Variants in EPB41L3 observed in about 807,000 individuals in gnomAD.
EPB41L3 encodes band 4.1-like protein 3.
In EPB41L3, 57 loss-of-function variants were observed where a neutral mutation model predicts 127.1. The ratio of observed to expected loss-of-function variants is 0.45; its 90% CI spans 0.36 to 0.56. EPB41L3 has a LOEUF of 0.56. Ranked by LOEUF, EPB41L3 falls within the 20% of genes least tolerant of loss-of-function variation. The probability of loss-of-function intolerance (pLI) is 0.00; values close to 1 mark genes in which losing one functional copy is unlikely to be tolerated. For missense variants in EPB41L3, 1,273 were observed against 1,372.2 expected (o/e 0.93, Z 1.14); for synonymous variants, 572 against 549.5 (o/e 1.04, Z -0.57).
chr18:5,628,150 G>T (rs1184898491), intron 1 of EPB41L3, among the ~76,000 whole-genome samples: 1 of 152,222 alleles, frequency 6.6e-6, no homozygotes, highest in Non-Finnish European at 1.5e-5. Context: ...GGCAAGTCTT[G>T]CGGGGCCCGT....
At chr18:5,498,055 C>A (rs1443254361) in intron 1 of EPB41L3, among the ~76,000 whole-genome samples, 1 of 152,182 alleles carries the variant, frequency 6.6e-6, no homozygotes, top group Non-Finnish European at 1.5e-5. Flanking sequence ...ACACGTGAAT[C>A]CTGCCTTGCC....
chr18:5,475,549 G>C (rs760458122), intron 3 of EPB41L3, among the ~76,000 whole-genome samples: 1 of 152,174 alleles, frequency 6.6e-6, no homozygotes, highest in Non-Finnish European at 1.5e-5. Context: ...ATTACAAAAT[G>C]GTTTTGACAA....
chr18:5,433,158 T>C (rs2079230709), intron 8 of EPB41L3, among the ~76,000 whole-genome samples: 1 of 152,072 alleles, frequency 6.6e-6, no homozygotes, highest in Admixed American at 6.5e-5. Flanking sequence ...CAGGGTGAAG[T>C]AAAAGTCTGT....
chr18:5,462,982 A>T (rs989246027), intron 3 of EPB41L3, among the ~76,000 whole-genome samples: 1 of 152,132 alleles, frequency 6.6e-6, no homozygotes, highest in Non-Finnish European at 1.5e-5. Flanking sequence ...CTATGCAATC[A>T]CTTAGTCCAC....
rs1230876726 is a variant in EPB41L3 at position 5,484,100 on chromosome 18, A to C, written c.183+4901T>G. Among the ~76,000 whole-genome samples the C allele has an allele frequency of 6.9e-3, 938 of 135,660 alleles. 16 individuals are homozygous for C. Among genetic ancestry groups the C allele is most frequent in the African/African-American group, 0.025 (856 of 34,566 alleles). The allele number at this position is 135,660 out of a possible 152,430, so 89.0% of individuals were successfully genotyped here. The stretch of plus-strand genomic sequence containing the variant: ...CCAAACAAACTCAAAAAAAAAAAAA[A>C]AAAAAAAAAAAAAAAAAAAAACAGA... On this transcript the variant is annotated intron_variant, in intron 2 of 22. Transcript: ENST00000341928.
intron 1 of EPB41L3, among the ~76,000 whole-genome samples, chr18:5,518,359 G>A (rs534404257): frequency 2.6e-5 from 4 of 151,974 alleles, no homozygotes; most frequent in South Asian, 2.1e-4. Flanking sequence ...TCCCTCACAC[G>A]CCCTTCAGGA....
At chr18:5,417,966 T>C (rs1219493811) in intron 12 of EPB41L3, among the ~76,000 whole-genome samples, 1 of 152,196 alleles carries the variant, frequency 6.6e-6, no homozygotes, top group East Asian at 1.9e-4. Flanking sequence ...CCAGGCAACC[T>C]AGGGGACCAG....
intron 1 of EPB41L3, among the ~76,000 whole-genome samples, chr18:5,625,027 T>C (rs748528202): frequency 2.0e-5 from 3 of 152,006 alleles, no homozygotes; most frequent in Non-Finnish European, 4.4e-5. Flanking sequence ...AAGGCATGCA[T>C]AGGAACTGGG....
Position 5,516,230 on chromosome 18 carries a change from A to G in EPB41L3, c.-11-27036T>C, listed in dbSNP as rs565018211. On this transcript the variant is annotated intron_variant, in intron 1 of 22. Coordinates refer to ENST00000341928, the MANE Select transcript of EPB41L3 (RefSeq NM_012307.5). ...CCTGGGTGGTTGACACCTGGCCATT[A>G]CTAGGAACTTTCCAAGGGCTCATCT... Among the ~76,000 whole-genome samples the G allele has an allele frequency of 1.2e-4, 18 of 152,298 alleles. 1 individual carries two copies. The East Asian group carries it at 2.9e-3, about 24-fold the overall frequency.
upstream of EPB41L3, among the ~76,000 whole-genome samples, chr18:5,546,845 C>T (rs2093889303): frequency 6.6e-6 from 1 of 152,282 alleles, no homozygotes; most frequent in South Asian, 2.1e-4. Flanking sequence ...TCTCTTAGTC[C>T]TCTCTGTCTC....
intron 3 of EPB41L3, among the ~76,000 whole-genome samples, chr18:5,582,632 T>G (rs2069247258): frequency 1.3e-5 from 2 of 152,214 alleles, no homozygotes; most frequent in Admixed American, 6.5e-5. Flanking sequence ...AGAACATGAG[T>G]GCTAGAAAGG....
intron 3 of EPB41L3, among the ~76,000 whole-genome samples, chr18:5,597,273 C>T (rs894059076): frequency 1.3e-5 from 2 of 152,118 alleles, no homozygotes; most frequent in African/African-American, 4.8e-5. Flanking sequence ...CTGGATCTGT[C>T]TCATAACCTC....
chr18:5,620,668 T>A (rs1376586321), intron 1 of EPB41L3, among the ~76,000 whole-genome samples: 1 of 152,186 alleles, frequency 6.6e-6, no homozygotes, highest in Non-Finnish European at 1.5e-5. Context: ...CATCATCCGA[T>A]CTTTTAAAAA....
At chr18:5,610,721 C>T (rs2094716037) in intron 3 of EPB41L3, among the ~76,000 whole-genome samples, 1 of 151,896 alleles carries the variant, frequency 6.6e-6, no homozygotes, top group African/African-American at 2.4e-5. Context: ...AAATTATAAC[C>T]CAGTTTAGTT....
At position 5,543,524 on chromosome 18, in the gene EPB41L3, C is replaced by T. The variant is rs2149087735; in HGVS notation, c.-12+389G>A. 1 of 147,596 alleles carries T rather than the reference C, an allele frequency of 6.8e-6. No homozygotes were observed. Among genetic ancestry groups the T allele is most frequent in the East Asian group, 2.0e-4 (1 of 5,070 alleles). 9.1% of individuals were successfully genotyped at this position (147,596 alleles called of 1,614,324 possible). ...AGGGGCAACTTAAAACATGGCGCCC[C>T]GGGCGGGGGATTTGTGCAAATTGGC... On this transcript the variant is annotated intron_variant, in intron 1 of 22. Coordinates refer to ENST00000341928, the MANE Select transcript of EPB41L3 (RefSeq NM_012307.5). This position sits in a 1 kb window ranked among gnomAD's most constrained non-coding sequence, Gnocchi z 5.2.
rs2093827161 is a variant in EPB41L3, at chr18:5,543,940, C to A, written c.-39G>T. On this transcript the variant is annotated 5_prime_UTR_variant, in exon 1 of 23. Transcript: ENST00000341928. The surrounding 1 kb of genome is among the most constrained non-coding windows in gnomAD (Gnocchi z 5.2). ...GGGATCAGCAGGGAGCCCGGGCGCG[C>A]CGCGGCGTGGGGACTAGGCTCGGGC... 3.0e-6 allele frequency: 3 copies of A among 985,536 alleles called. No homozygotes were observed. The highest frequency in any genetic ancestry group is 4.7e-5 in the South Asian group (1 of 21,278). 61.0% of individuals were successfully genotyped at this position (985,536 alleles called of 1,614,324 possible).
chr18:5,450,054 A>T (rs2082074683), intron 3 of EPB41L3, among the ~76,000 whole-genome samples: 1 of 152,256 alleles, frequency 6.6e-6, no homozygotes, highest in Middle Eastern at 3.4e-3. Context: ...ACCGTGGAAA[A>T]CAGAATGGGG....
chr18:5,604,877 T>TA (rs756856223), intron 3 of EPB41L3, among the ~76,000 whole-genome samples: 16 of 152,180 alleles, frequency 1.1e-4, no homozygotes, highest in Non-Finnish European at 1.9e-4. Context: ...ACAAAAAAGT[T>TA]ACGCCCATAT....
chr18:5,409,563 C>A (rs1202411667), intron 14 of EPB41L3, among the ~76,000 whole-genome samples: 2 of 152,004 alleles, frequency 1.3e-5, no homozygotes, highest in African/African-American at 2.4e-5. Context: ...TGAACTCTGG[C>A]ATTTCTAAAG....
Sources: allele counts gnomAD v4.1 joint callset (sites outside exome capture counted in the v4.1 genomes callset), GRCh38; gene constraint gnomAD v4.1.1; non-coding constraint Gnocchi (gnomAD v3.1); transcripts MANE v1.5; gene names NCBI Gene and HGNC (gene_info 2026-07-23, HGNC 2026-07-21).